Variants in SRD5A2 observed in about 807,000 individuals in gnomAD.
SRD5A2 encodes the protein 3-oxo-5-alpha-steroid 4-dehydrogenase 2.
In SRD5A2, 30 loss-of-function variants were observed where a neutral mutation model predicts 27.4. That is an observed-to-expected ratio of 1.10 (90% confidence interval 0.82 to 1.49). The LOEUF (loss-of-function observed/expected upper bound fraction) is 1.49. SRD5A2 is among the 40% of genes most tolerant of loss of function. The pLI is 0.00. For missense variants in SRD5A2, 348 were observed against 323.4 expected, an observed-to-expected ratio of 1.08 and a Z score of -0.58; for synonymous variants, 141 against 133.6, an observed-to-expected ratio of 1.06 and a Z score of -0.38.
At chr2:31,615,810 G>A in the SRD5A2 span, among the ~76,000 whole-genome samples, 1 of 152,300 alleles carries the variant, frequency 6.6e-6, no homozygotes, top group South Asian at 2.1e-4. Context: ...AGGCCCAAAG[G>A]CCTAGGAGGA....
intron 1 of SRD5A2, 109 bp downstream of exon 1, chr2:31,580,510 GC>G: frequency 7.6e-7 from 1 of 1,320,202 alleles, no homozygotes; most frequent in East Asian, 2.7e-5. Context: ...TCCTCACAGC[GC>G]CCCACGCTGC....
At chr2:31,537,229 T>C (rs1666045285) in intron 1 of SRD5A2, among the ~76,000 whole-genome samples, 1 of 152,216 alleles carries the variant, frequency 6.6e-6, no homozygotes. Context: ...TCCATGTATA[T>C]ATTTAACTGT....
chr2:31,660,295 G>A, the SRD5A2 span, among the ~76,000 whole-genome samples: 1 of 152,038 alleles, frequency 6.6e-6, no homozygotes, highest in African/African-American at 2.4e-5. Context: ...AACTTTTATA[G>A]ATAGCTGGTG....
chr2:31,632,843 G>GA, the SRD5A2 span, among the ~76,000 whole-genome samples: 2 of 152,066 alleles, frequency 1.3e-5, no homozygotes, highest in African/African-American at 4.8e-5. Context: ...TTAGGAGAAG[G>GA]AAAAAGGGTA....
chr2:31,544,829 C>G (rs1014258683), intron 1 of SRD5A2, among the ~76,000 whole-genome samples: 4 of 151,498 alleles, frequency 2.6e-5, no homozygotes, highest in Non-Finnish European at 5.9e-5. Context: ...AAAATAGAGA[C>G]AAGACTCATA....
intron 1 of SRD5A2, among the ~76,000 whole-genome samples, chr2:31,574,945 A>G (rs1558375643): frequency 6.6e-6 from 1 of 152,228 alleles, no homozygotes; most frequent in Non-Finnish European, 1.5e-5. Flanking sequence ...TCCCGCTATA[A>G]CAGTAGGGGT....
chr2:31,565,896 T>C lies in SRD5A2; in HGVS notation c.281+14724A>G, dbSNP rs529257782. On this transcript the variant is annotated intron_variant, in intron 1 of 4. Coordinates refer to ENST00000622030, the MANE Select transcript of SRD5A2 (RefSeq NM_000348.4). Reference sequence around the variant, plus strand: ...TAGAACACTCCTCTTCTTGGCAGTATACACATTCTTTTCATGTTTACACAG... The same window carrying C: ...TAGAACACTCCTCTTCTTGGCAGTACACACATTCTTTTCATGTTTACACAG... Among the ~76,000 whole-genome samples, 5 of 152,166 alleles carry C rather than the reference T, an allele frequency of 3.3e-5. No individual in the cohort carries two copies. In the South Asian group the frequency reaches 6.2e-4, roughly 19 times the overall value.
chr2:31,570,198 T>C (rs1428685846), intron 1 of SRD5A2, among the ~76,000 whole-genome samples: 4 of 152,166 alleles, frequency 2.6e-5, no homozygotes, highest in Non-Finnish European at 4.4e-5. Flanking sequence ...GCAGGCTTTA[T>C]CCCTGGGATA....
At chr2:31,628,285 C>G in the SRD5A2 span, among the ~76,000 whole-genome samples, 19 of 152,014 alleles carry the variant, frequency 1.2e-4, no homozygotes, top group Admixed American at 3.3e-4. Flanking sequence ...GAAATTAGAA[C>G]AGCAACCCCT....
At chr2:31,608,470 T>C in the SRD5A2 span, among the ~76,000 whole-genome samples, 1 of 151,832 alleles carries the variant, frequency 6.6e-6, no homozygotes, top group African/African-American at 2.4e-5. Context: ...GTTGGAACTG[T>C]TGGAAAGAAA....
intron 1 of SRD5A2, among the ~76,000 whole-genome samples, chr2:31,564,381 G>T (rs1666686964): frequency 6.6e-6 from 1 of 151,456 alleles, no homozygotes; most frequent in African/African-American, 2.4e-5. Flanking sequence ...AAAAAAAAAA[G>T]AATCCACAAA....
the SRD5A2 span, among the ~76,000 whole-genome samples, chr2:31,644,803 G>A: frequency 1.5e-3 from 232 of 152,306 alleles, 2 homozygotes; most frequent in Non-Finnish European, 2.9e-3. Context: ...TACTGATTAT[G>A]AAAGAGAATG....
At chr2:31,641,257 T>C in the SRD5A2 span, among the ~76,000 whole-genome samples, 4 of 152,134 alleles carry the variant, frequency 2.6e-5, no homozygotes, top group African/African-American at 7.2e-5. Context: ...ATATCAAAGA[T>C]ATACAGAGTA....
At chr2:31,572,072 C>A (rs1988909) in intron 1 of SRD5A2, among the ~76,000 whole-genome samples, 152,364 of 152,364 alleles carry the variant, frequency 1, 76,182 homozygotes, top group Non-Finnish European at 1. Context: ...AAGACATGAA[C>A]TCAACCTAAA....
chr2:31,616,813 G>A, the SRD5A2 span, among the ~76,000 whole-genome samples: 1 of 152,180 alleles, frequency 6.6e-6, no homozygotes, highest in Non-Finnish European at 1.5e-5. Flanking sequence ...GTTTTGAAAT[G>A]TGAGGACATG....
At chr2:31,631,255 A>G in the SRD5A2 span, among the ~76,000 whole-genome samples, 147 of 152,300 alleles carry the variant, frequency 9.7e-4, no homozygotes, top group African/African-American at 3.2e-3. Context: ...AAGGACCACT[A>G]GAATCCAGCA....
At chr2:31,614,428 C>T in the SRD5A2 span, among the ~76,000 whole-genome samples, 1 of 152,240 alleles carries the variant, frequency 6.6e-6, no homozygotes, top group Non-Finnish European at 1.5e-5. Flanking sequence ...CCTTGGGCAG[C>T]TCTGCCCCTG....
the SRD5A2 span, among the ~76,000 whole-genome samples, chr2:31,600,962 T>G: frequency 1.1e-4 from 17 of 151,850 alleles, 1 homozygote; most frequent in Middle Eastern, 3.4e-3. Flanking sequence ...TATGATCATT[T>G]CAATTCATGC....
the SRD5A2 span, among the ~76,000 whole-genome samples, chr2:31,632,593 T>C: frequency 6.6e-6 from 1 of 152,058 alleles, no homozygotes; most frequent in Non-Finnish European, 1.5e-5. Context: ...AGGTTAACTG[T>C]CTCCTGGACA....
Sources: allele counts gnomAD v4.1 joint callset (sites outside exome capture counted in the v4.1 genomes callset), GRCh38; gene constraint gnomAD v4.1.1; transcripts MANE v1.5; gene names NCBI Gene and HGNC (gene_info 2026-07-23, HGNC 2026-07-21).